The following UBE2L6 variants were observed in gnomAD, a reference collection of about 807,000 sequenced individuals.
UBE2L6 encodes the protein ubiquitin conjugating enzyme E2 L6.
UBE2L6 carries 11 observed loss-of-function variants against 13.6 expected under a neutral mutation model. That is an observed-to-expected ratio of 0.81 (90% confidence interval 0.51 to 1.34). The LOEUF is 1.34. Ranked by LOEUF, UBE2L6 falls within the 40% of genes most tolerant of loss-of-function variation. The probability of loss-of-function intolerance (pLI) is 0.00; values close to 1 mark genes in which losing one functional copy is unlikely to be tolerated. For missense variants in UBE2L6, 197 were observed against 199.5 expected, an observed-to-expected ratio of 0.99 and a Z score of 0.07; for synonymous variants, 74 against 83.2, an observed-to-expected ratio of 0.89 and a Z score of 0.60.
chr11:57,560,201 G>T, intron 2 of UBE2L6, 136 bp downstream of exon 2: 1 of 705,482 alleles, frequency 1.4e-6, no homozygotes, highest in Non-Finnish European at 2.6e-6. Context: ...TCAGAGAGAA[G>T]CCCCCTCCAG....
intron 2 of UBE2L6, among the ~76,000 whole-genome samples, chr11:57,555,367 G>C (rs1367813442): frequency 6.6e-6 from 1 of 152,168 alleles, no homozygotes; most frequent in Non-Finnish European, 1.5e-5. Context: ...TATGCTACAG[G>C]AAATAAGCTA....
At chr11:57,565,349 ATTAG>A (rs1392144658) in intron 1 of UBE2L6, among the ~76,000 whole-genome samples, 1 of 138,456 alleles carries the variant, frequency 7.2e-6, no homozygotes, top group Non-Finnish European at 1.5e-5. Flanking sequence ...TACAGTTTGT[ATTAG>A]TTGTTTTTTT....
chr11:57,567,743 C>A (rs1211415081), upstream of UBE2L6: 7 of 1,139,090 alleles, frequency 6.1e-6, no homozygotes, highest in Non-Finnish European at 8.4e-6. Flanking sequence ...GCCGTCGCTG[C>A]GTGGGCCTCC....
At chr11:57,566,962 CT>C (rs1282200286) in intron 1 of UBE2L6, 22 of 342,012 alleles carry the variant, frequency 6.4e-5, no homozygotes, top group African/African-American at 5.6e-4. Flanking sequence ...CCCCCCCCTC[CT>C]AGAACAGGGC....
chr11:57,553,162 G>A (rs1448928771), intron 3 of UBE2L6, among the ~76,000 whole-genome samples: 1 of 152,208 alleles, frequency 6.6e-6, no homozygotes, highest in Non-Finnish European at 1.5e-5. Context: ...TGTTCAATAT[G>A]GTAGCCATTA....
chr11:57,553,264 TG>T (rs769633939), intron 3 of UBE2L6, among the ~76,000 whole-genome samples: 1 of 152,154 alleles, frequency 6.6e-6, no homozygotes, highest in Non-Finnish European at 1.5e-5. Context: ...GAGGCCAAGA[TG>T]GGTGGATGGC....
intron 1 of UBE2L6, among the ~76,000 whole-genome samples, chr11:57,562,025 G>A (rs200044678): frequency 6.6e-6 from 1 of 152,254 alleles, no homozygotes; most frequent in South Asian, 2.1e-4. Context: ...AGAGTGGATA[G>A]AGGCCAGAGA....
intron 2 of UBE2L6, among the ~76,000 whole-genome samples, chr11:57,555,981 G>C (rs1944993988): frequency 6.6e-6 from 1 of 152,174 alleles, no homozygotes; most frequent in East Asian, 1.9e-4. Context: ...CAAACTCAGG[G>C]GCTGGAGTGA....
intron 1 of UBE2L6, among the ~76,000 whole-genome samples, chr11:57,565,356 GTTTTTTTTTTTT>G (rs370848897): frequency 0.2 from 20,213 of 98,622 alleles, 1,809 homozygotes; most frequent in Middle Eastern, 0.44. Context: ...TGTATTAGTT[GTTTTTTTTTTTT>G]TTTTTTTTTT....
At chr11:57,567,205 T>G (rs61886733) in intron 1 of UBE2L6, 4 of 454,308 alleles carry the variant, frequency 8.8e-6, no homozygotes, top group Non-Finnish European at 1.7e-5. Context: ...GTCATCTGTG[T>G]TCATAACCCA....
chr11:57,560,436 C>T lies in UBE2L6; in HGVS notation c.28-4G>A. 6.2e-7 allele frequency: 1 copy of T among 1,609,962 alleles called. No homozygotes were observed. The highest frequency in any genetic ancestry group is 8.5e-7 in the Non-Finnish European group (1 of 1,177,252). ...TCTTCTGAAGATCCTCCAGCTCCTGCAGGGGACACAAGTGAGTGGGCAGTT... is the reference window on the plus strand; with the variant it reads ...TCTTCTGAAGATCCTCCAGCTCCTGTAGGGGACACAAGTGAGTGGGCAGTT... On this transcript the variant is annotated splice_polypyrimidine_tract_variant and splice_region_variant and intron_variant, in intron 1 of 3. Coordinates refer to ENST00000287156, the MANE Select transcript of UBE2L6 (RefSeq NM_004223.5).
chr11:57,567,570 C>T lies in UBE2L6; in HGVS notation c.27+15G>A, dbSNP rs1412836421. On this transcript the variant is annotated intron_variant, in intron 1 of 3. Transcript: ENST00000287156. ...AGGGGAGCCAAGAGAAAGGGGTCATCCTATACGCGGTTACCTTCACCACTC... is the reference window on the plus strand; with the variant it reads ...AGGGGAGCCAAGAGAAAGGGGTCATTCTATACGCGGTTACCTTCACCACTC... 1 of 1,606,604 alleles carries T rather than the reference C, an allele frequency of 6.2e-7. No individual in the cohort carries two copies. The highest frequency in any genetic ancestry group is 1.3e-5 in the African/African-American group (1 of 74,900).
chr11:57,561,498 G>C (rs1945047137), intron 1 of UBE2L6, among the ~76,000 whole-genome samples: 1 of 152,168 alleles, frequency 6.6e-6, no homozygotes, highest in Non-Finnish European at 1.5e-5. Context: ...AGATGAGAGG[G>C]GAGAAGGAAG....
chr11:57,554,628 G>A lies in UBE2L6; in HGVS notation c.124-5C>T. 1 of 1,614,036 alleles carries A rather than the reference G, an allele frequency of 6.2e-7. No individual in the cohort carries two copies. The highest frequency in any genetic ancestry group is 8.5e-7 in the Non-Finnish European group (1 of 1,179,970). ...CAGGTGGTAGGGAGGTTGGTCCTGT[G>A]CAGAGAGAAAAGGGGTCAAGCTCCA... On this transcript the variant is annotated splice_region_variant and splice_polypyrimidine_tract_variant and intron_variant, in intron 2 of 3. Transcript: ENST00000287156.
At chr11:57,556,087 C>G (rs924802491) in intron 2 of UBE2L6, among the ~76,000 whole-genome samples, 1 of 152,150 alleles carries the variant, frequency 6.6e-6, no homozygotes, top group Admixed American at 6.6e-5. Flanking sequence ...CTGTCCTGTG[C>G]TAAGGGTTTG....
intron 1 of UBE2L6, among the ~76,000 whole-genome samples, chr11:57,562,768 T>A (rs1115173): frequency 0.011 from 1,703 of 152,324 alleles, 32 homozygotes; most frequent in African/African-American, 0.039. Context: ...ACTACAGTGT[T>A]ACTAGGCTTG....
intron 1 of UBE2L6, among the ~76,000 whole-genome samples, chr11:57,564,200 G>A (rs1325335632): frequency 6.6e-6 from 1 of 152,184 alleles, no homozygotes; most frequent in Non-Finnish European, 1.5e-5. Flanking sequence ...GGTCCTAACA[G>A]CAGCAAGAGA....
intron 1 of UBE2L6, among the ~76,000 whole-genome samples, chr11:57,565,057 A>G (rs891071310): frequency 6.6e-6 from 1 of 152,126 alleles, no homozygotes; most frequent in East Asian, 1.9e-4. Context: ...AGCCTGACCA[A>G]CATGGAGAAA....
At position 57,562,992 on chromosome 11, in the gene UBE2L6, C is replaced by T. The variant is rs187981311; in HGVS notation, c.28-2560G>A. On this transcript the variant is annotated intron_variant, in intron 1 of 3. Coordinates refer to ENST00000287156, the MANE Select transcript of UBE2L6 (RefSeq NM_004223.5). Reference sequence around the variant, plus strand: ...TCCAGGAAAACACAGCCTCACCAAACGAACTAAATAAGGCACACAGGGCCA... The same window carrying T: ...TCCAGGAAAACACAGCCTCACCAAATGAACTAAATAAGGCACACAGGGCCA... Among the ~76,000 whole-genome samples, 10 of 152,194 alleles carry T rather than the reference C, an allele frequency of 6.6e-5. 1 individual carries two copies. In the East Asian group the frequency reaches 1.5e-3, roughly 23 times the overall value.
Sources: gnomAD v4.1 joint callset for allele counts (sites outside exome capture counted in the v4.1 genomes callset) on GRCh38, gnomAD v4.1.1 for gene constraint, MANE v1.5 for transcripts, NCBI Gene and HGNC (gene_info 2026-07-23, HGNC 2026-07-21) for gene names.